Variants in TRIM27 observed in about 807,000 individuals in gnomAD.
TRIM27 encodes zinc finger protein RFP.
In TRIM27, 12 loss-of-function variants were observed where a neutral mutation model predicts 57.6. That is an observed-to-expected ratio of 0.21 (90% CI 0.13 to 0.34). The LOEUF is 0.34. Among genes scored for constraint, TRIM27 ranks in the 10% least tolerant of loss-of-function variants. TRIM27 has a pLI of 1.00. For missense variants in TRIM27, 403 were observed against 656.8 expected (o/e 0.61, Z 4.22); for synonymous variants, 266 against 259.0 (o/e 1.03, Z -0.26).
chr6:28,913,977 G>C (rs934366610), intron 3 of TRIM27, among the ~76,000 whole-genome samples: 1 of 145,468 alleles, frequency 6.9e-6, no homozygotes, highest in Non-Finnish European at 1.5e-5. Context: ...ATCTAGTAGG[G>C]CCAGTTCTCC....
chr6:28,909,156 G>T, intron 4 of TRIM27, 68 bp from the exon 5 acceptor site: 1 of 1,119,540 alleles, frequency 8.9e-7, no homozygotes. Flanking sequence ...TGCCCAGGCT[G>T]GAGTGCAATG....
At chr6:28,923,186 C>G in intron 1 of TRIM27, 27 bp downstream of exon 1, 1 of 1,521,314 alleles carries the variant, frequency 6.6e-7, no homozygotes. Flanking sequence ...GACTCGCGCT[C>G]CCGCCCTCCC....
chr6:28,904,951 T>C lies in TRIM27; in HGVS notation c.947-286A>G. ...TTTAAGAGATAGGGTCTTGCTCTGT[T>C]GCCTAGGCTGGAGCGCAGTGGTGTG... On this transcript the variant is annotated intron_variant, in intron 7 of 7. Transcript: ENST00000377199. This position sits in a 1 kb window ranked among gnomAD's most constrained non-coding sequence, Gnocchi z 6.1. 1 of 443,176 alleles carries C rather than the reference T, an allele frequency of 2.3e-6. No individual in the cohort carries two copies. Among genetic ancestry groups the C allele is most frequent in the Non-Finnish European group, 4.0e-6 (1 of 248,136 alleles). The allele number at this position is 443,176 out of a possible 1,614,324, so 27.5% of individuals were successfully genotyped here. A position where few individuals can be genotyped will look rare whatever the true frequency, so the allele number is the denominator to read the frequency against.
At chr6:28,918,222 C>A (rs967681473) in intron 3 of TRIM27, among the ~76,000 whole-genome samples, 1 of 152,184 alleles carries the variant, frequency 6.6e-6, no homozygotes, top group African/African-American at 2.4e-5. Flanking sequence ...TGTCTAACTT[C>A]TAGTTTCTTT....
At chr6:28,911,087 TC>T (rs1303538878) in intron 4 of TRIM27, among the ~76,000 whole-genome samples, 3 of 152,102 alleles carry the variant, frequency 2.0e-5, no homozygotes, top group Non-Finnish European at 4.4e-5. Context: ...AACATGAGCT[TC>T]CCAAGGCCCA....
chr6:28,904,010 G>T lies in TRIM27; in HGVS notation c.*60C>A, dbSNP rs1061741. 4 of 1,435,178 alleles carry T rather than the reference G, an allele frequency of 2.8e-6. No individual in the cohort carries two copies. The highest frequency in any genetic ancestry group is 3.8e-6 in the Non-Finnish European group (4 of 1,039,138). The allele number at this position is 1,435,178 out of a possible 1,614,324, so 88.9% of individuals were successfully genotyped here. On this transcript the variant is annotated 3_prime_UTR_variant, in exon 8 of 8. Transcript: ENST00000377199. The surrounding 1 kb of genome is among the most constrained non-coding windows in gnomAD (Gnocchi z 6.1). ...GTGACAGGACGTGGCAAGGCAACAA[G>T]ATGCCTTGTGCCTGGCGTAGGATTA...
Position 28,907,203 on chromosome 6 carries a change from T to C in TRIM27, c.946+33A>G, listed in dbSNP as rs768396273. 1.9e-6 allele frequency: 3 copies of C among 1,593,682 alleles called. No individual in the cohort carries two copies. In the South Asian group the frequency reaches 3.4e-5, roughly 18 times the overall value. On this transcript the variant is annotated intron_variant, in intron 7 of 7. Coordinates refer to ENST00000377199, the MANE Select transcript of TRIM27 (RefSeq NM_006510.5). ...TAGGTTCACAAGGATTTTTACTCCT[T>C]ACCCTAATATGGTTTTGTCTCTCAT...
intron 3 of TRIM27, among the ~76,000 whole-genome samples, chr6:28,914,580 G>T (rs924458767): frequency 3.1e-5 from 3 of 96,364 alleles, no homozygotes; most frequent in South Asian, 4.6e-4. Context: ...AATTGCAAGG[G>T]TGGGGGGGGG....
intron 3 of TRIM27, among the ~76,000 whole-genome samples, chr6:28,914,187 G>A (rs949957399): frequency 6.7e-6 from 1 of 148,994 alleles, no homozygotes; most frequent in African/African-American, 2.5e-5. Flanking sequence ...CCAGGCTGGA[G>A]TGAAATGGTG....
chr6:28,913,269 A>AAATAT, intron 3 of TRIM27, among the ~76,000 whole-genome samples: 1 of 135,566 alleles, frequency 7.4e-6, no homozygotes, highest in East Asian at 2.1e-4. Flanking sequence ...AAAAAAAAAA[A>AAATAT]ATATATATAT....
intron 1 of TRIM27, 81 bp downstream of exon 1, chr6:28,923,132 G>A: frequency 7.1e-7 from 1 of 1,414,212 alleles, no homozygotes; most frequent in East Asian, 2.5e-5. Context: ...CCATTTTCTA[G>A]GCGGAAAAAA....
At chr6:28,909,387 G>A (rs2150465785) in intron 4 of TRIM27, among the ~76,000 whole-genome samples, 1 of 152,306 alleles carries the variant, frequency 6.6e-6, no homozygotes, top group South Asian at 2.1e-4. Context: ...GATTACAGGC[G>A]TGAGCCACCA....
Position 28,911,586 on chromosome 6 carries a change from A to G in TRIM27, c.770+110T>C, listed in dbSNP as rs952928676. ...TGACTCTCTTCAGGGATATGTGTCAATTTGATAAGATGTCCATCCTCAGGC... is the reference window on the plus strand; with the variant it reads ...TGACTCTCTTCAGGGATATGTGTCAGTTTGATAAGATGTCCATCCTCAGGC... On this transcript the variant is annotated intron_variant, in intron 4 of 7. Coordinates refer to ENST00000377199, the MANE Select transcript of TRIM27 (RefSeq NM_006510.5). The G allele has an allele frequency of 7.2e-6, 8 of 1,104,806 alleles. No individual in the cohort carries two copies. The South Asian group carries it at 8.3e-5, about 11-fold the overall frequency. The allele number at this position is 1,104,806 out of a possible 1,614,324, so 68.4% of individuals were successfully genotyped here. A position where few individuals can be genotyped will look rare whatever the true frequency, so the allele number is the denominator to read the frequency against.
In TRIM27 at chr6:28,903,363, T is replaced by C. The variant is rs1772526681; in HGVS notation, c.*707A>G. 4.3e-6 allele frequency: 1 copy of C among 233,092 alleles called. No individual in the cohort carries two copies. The highest frequency in any genetic ancestry group is 8.5e-6 in the Non-Finnish European group (1 of 118,074). The allele number at this position is 233,092 out of a possible 1,614,324, so 14.4% of individuals were successfully genotyped here. ...TTGGGCAGAATATTATCCTGGATGA[T>C]ATGCACCCAGCACTAGAATACACCT... On this transcript the variant is annotated 3_prime_UTR_variant, in exon 8 of 8. Coordinates refer to ENST00000377199, the MANE Select transcript of TRIM27 (RefSeq NM_006510.5).
chr6:28,908,639 CAAG>C (rs1772954163), intron 6 of TRIM27, 166 bp downstream of exon 6: 16 of 600,088 alleles, frequency 2.7e-5, no homozygotes, highest in Non-Finnish European at 2.6e-5. Context: ...CAAATTAGAA[CAAG>C]AAGCTGTTAA....
At chr6:28,921,776 C>T in intron 2 of TRIM27, 116 bp downstream of exon 2, 1 of 823,506 alleles carries the variant, frequency 1.2e-6, no homozygotes, top group Non-Finnish European at 2.1e-6. Flanking sequence ...TGCGGTTGAT[C>T]CACCTCTACC....
intron 4 of TRIM27, 97 bp downstream of exon 4, chr6:28,911,599 T>C (rs1773215852): frequency 8.1e-7 from 1 of 1,235,954 alleles, no homozygotes; most frequent in East Asian, 2.3e-5. Context: ...TGATAAGATG[T>C]CCATCCTCAG....
At chr6:28,922,725 T>C (rs1322400139) in intron 1 of TRIM27, among the ~76,000 whole-genome samples, 2 of 152,160 alleles carry the variant, frequency 1.3e-5, no homozygotes, top group Non-Finnish European at 2.9e-5. Flanking sequence ...AGTGGTTAAG[T>C]GACTTACTCC....
chr6:28,913,466 A>ATTCTAACTGTGTG (rs1298516641), intron 3 of TRIM27, among the ~76,000 whole-genome samples: 1 of 151,750 alleles, frequency 6.6e-6, no homozygotes, highest in African/African-American at 2.4e-5. Context: ...AAAATTGTTA[A>ATTCTAACTGTGTG]TTCTAACTGT....
Sources: allele counts gnomAD v4.1 joint callset (sites outside exome capture counted in the v4.1 genomes callset), GRCh38; gene constraint gnomAD v4.1.1; non-coding constraint Gnocchi (gnomAD v3.1); transcripts MANE v1.5; gene names NCBI Gene and HGNC (gene_info 2026-07-23, HGNC 2026-07-21).